NFILZ: variants seen among roughly 807,000 people sequenced by gnomAD.
NFILZ encodes NFIL3 like basic leucine zipper.
rs79319636 is a variant in NFILZ, at chr19:8,649,627, A to C, written c.-164+13881A>C. Among the ~76,000 whole-genome samples, 5 of 152,022 alleles carry C rather than the reference A, an allele frequency of 3.3e-5. No homozygotes were observed. The South Asian group carries it at 1.0e-3, about 32-fold the overall frequency. Reference sequence around the variant, plus strand: ...GCGCCTGTCTTGCCGGCTCTGCTGTATGGGTCCTGTTTTACTGAACTTTGG... The same window carrying C: ...GCGCCTGTCTTGCCGGCTCTGCTGTCTGGGTCCTGTTTTACTGAACTTTGG... On this transcript the variant is annotated intron_variant, in intron 3 of 5. Coordinates refer to ENST00000691075, the MANE Select transcript of NFILZ (RefSeq NM_001378600.1).
intron 3 of NFILZ, among the ~76,000 whole-genome samples, chr19:8,646,524 G>A (rs2042939864): frequency 6.6e-6 from 1 of 152,112 alleles, no homozygotes; most frequent in Non-Finnish European, 1.5e-5. Flanking sequence ...CTGTTTCCCA[G>A]TAATGCCAGA....
chr19:8,671,815 A>T (rs1555750296), intron 3 of NFILZ, among the ~76,000 whole-genome samples: 1 of 151,784 alleles, frequency 6.6e-6, no homozygotes, highest in African/African-American at 2.4e-5. Flanking sequence ...GGTTGTTGGG[A>T]CCCCCTCTGA....
chr19:8,651,349 ACGG>A (rs1209268772), intron 3 of NFILZ, among the ~76,000 whole-genome samples: 1 of 151,934 alleles, frequency 6.6e-6, no homozygotes, highest in Non-Finnish European at 1.5e-5. Flanking sequence ...TTTAGTAGAG[ACGG>A]GGCTTCACCA....
At chr19:8,631,702 G>T (rs965723108) in intron 1 of NFILZ, among the ~76,000 whole-genome samples, 5 of 152,138 alleles carry the variant, frequency 3.3e-5, no homozygotes, top group African/African-American at 1.2e-4. Context: ...CAGCCCCTTT[G>T]TGCGGCGGCT....
chr19:8,663,297 G>C (rs1203654365), intron 3 of NFILZ, among the ~76,000 whole-genome samples: 3 of 151,980 alleles, frequency 2.0e-5, no homozygotes, highest in African/African-American at 7.2e-5. Flanking sequence ...GTAGTTTCCT[G>C]AGTTGGGCTC....
At chr19:8,670,024 A>T (rs2043079555) in intron 3 of NFILZ, among the ~76,000 whole-genome samples, 2 of 152,104 alleles carry the variant, frequency 1.3e-5, no homozygotes, top group African/African-American at 4.8e-5. Flanking sequence ...TCTAGCAGGG[A>T]TGGGTCCAGC....
intron 3 of NFILZ, among the ~76,000 whole-genome samples, chr19:8,653,163 C>G (rs1435400161): frequency 6.6e-6 from 1 of 151,232 alleles, no homozygotes; most frequent in Admixed American, 6.6e-5. Context: ...CTCACTGCAA[C>G]CTTCGCCTCC....
chr19:8,643,579 AAAAGGC>A (rs1555746831), intron 3 of NFILZ, among the ~76,000 whole-genome samples: 1 of 152,174 alleles, frequency 6.6e-6, no homozygotes, highest in African/African-American at 2.4e-5. Flanking sequence ...GACTAGAACA[AAAAGGC>A]AGAGAGGAAG....
At chr19:8,636,638 G>A (rs576826600) in intron 3 of NFILZ, among the ~76,000 whole-genome samples, 2 of 150,740 alleles carry the variant, frequency 1.3e-5, no homozygotes, top group Non-Finnish European at 3.0e-5. Context: ...TTTATTTTTA[G>A]TAGAGACGGG....
intron 3 of NFILZ, among the ~76,000 whole-genome samples, chr19:8,645,327 G>A (rs1452819936): frequency 6.8e-6 from 1 of 146,758 alleles, no homozygotes; most frequent in African/African-American, 2.5e-5. Context: ...TTTAAGATAT[G>A]GGGGTCTAGC....
At chr19:8,658,282 G>A (rs188545084) in intron 3 of NFILZ, among the ~76,000 whole-genome samples, 1 of 152,168 alleles carries the variant, frequency 6.6e-6, no homozygotes, top group East Asian at 1.9e-4. Context: ...GCTCAGCTGC[G>A]GGCACTTCCC....
At chr19:8,634,600 G>T (rs1190124860) in intron 2 of NFILZ, among the ~76,000 whole-genome samples, 1 of 152,128 alleles carries the variant, frequency 6.6e-6, no homozygotes, top group Non-Finnish European at 1.5e-5. Flanking sequence ...TACTGGCCAG[G>T]TGTGGTGGCA....
intron 3 of NFILZ, among the ~76,000 whole-genome samples, chr19:8,671,308 G>A (rs8109107): frequency 0.012 from 1,753 of 152,238 alleles, 41 homozygotes; most frequent in African/African-American, 0.04. Context: ...ACCACAGGAA[G>A]GCCCAGCCCA....
At chr19:8,669,921 G>C (rs1555750137) in intron 3 of NFILZ, among the ~76,000 whole-genome samples, 1 of 152,158 alleles carries the variant, frequency 6.6e-6, no homozygotes, top group Non-Finnish European at 1.5e-5. Context: ...TGTGGGAATA[G>C]GGAAATGTCA....
chr19:8,661,693 A>G (rs539824352), intron 3 of NFILZ, among the ~76,000 whole-genome samples: 68 of 152,260 alleles, frequency 4.5e-4, no homozygotes, highest in Admixed American at 2.0e-3. Flanking sequence ...GGAGTTCGAG[A>G]CCAGCCTGGC....
intron 2 of NFILZ, among the ~76,000 whole-genome samples, chr19:8,633,791 C>T (rs565616016): frequency 6.6e-6 from 1 of 152,118 alleles, no homozygotes; most frequent in Admixed American, 6.6e-5. Flanking sequence ...GATGTCGAGG[C>T]TGGACAGGAG....
At chr19:8,646,948 G>A (rs2042941513) in intron 3 of NFILZ, among the ~76,000 whole-genome samples, 1 of 152,226 alleles carries the variant, frequency 6.6e-6, no homozygotes, top group Non-Finnish European at 1.5e-5. Context: ...GTTCAAATCC[G>A]ACTCCATGAC....
chr19:8,663,722 T>TTGTGTGTGTGTG (rs879983007), intron 3 of NFILZ, among the ~76,000 whole-genome samples: 5 of 10,800 alleles, frequency 4.6e-4, no homozygotes, highest in African/African-American at 1.5e-3. Flanking sequence ...GTGTGTGTGT[T>TTGTGTGTGTGTG]TGTGTGTGTG....
chr19:8,637,411 G>A (rs183727662), intron 3 of NFILZ, among the ~76,000 whole-genome samples: 5 of 152,124 alleles, frequency 3.3e-5, no homozygotes, highest in East Asian at 3.9e-4. Flanking sequence ...TCAGGAGTTC[G>A]AGACCAGCCT....
Sources: gnomAD v4.1 joint callset for allele counts (sites outside exome capture counted in the v4.1 genomes callset) on GRCh38, gnomAD v4.1.1 for gene constraint, MANE v1.5 for transcripts, NCBI Gene and HGNC (gene_info 2026-07-23, HGNC 2026-07-21) for gene names.